Variants in ERC1 observed in about 807,000 individuals in gnomAD.
ERC1 encodes the protein RAB6 interacting protein 2.
Under a neutral mutation model 132.0 loss-of-function variants are expected in ERC1, and 56 were observed. The ratio of observed to expected loss-of-function variants is 0.42; its 90% CI spans 0.34 to 0.53. ERC1 has a LOEUF of 0.53. ERC1 is among the 20% of genes least tolerant of loss of function. The probability of loss-of-function intolerance (pLI) is 0.03; values close to 1 mark genes in which losing one functional copy is unlikely to be tolerated. For missense variants in ERC1, 1,202 were observed against 1,349.9 expected (o/e 0.89, Z 1.72); for synonymous variants, 478 against 476.1 (o/e 1.00, Z -0.05).
intron 8 of ERC1, among the ~76,000 whole-genome samples, chr12:1,154,273 A>G (rs1357435821): frequency 2.0e-3 from 292 of 144,152 alleles, no homozygotes; most frequent in South Asian, 5.3e-3. Context: ...ATATATACAC[A>G]TATACATGTA....
chr12:1,158,944 G>A (rs757431003), intron 8 of ERC1, among the ~76,000 whole-genome samples: 5 of 150,766 alleles, frequency 3.3e-5, no homozygotes, highest in Non-Finnish European at 7.4e-5. Flanking sequence ...AATCACTCAA[G>A]TTAAGTAAAC....
At chr12:1,349,429 C>A in intron 15 of ERC1, among the ~76,000 whole-genome samples, 1 of 152,062 alleles carries the variant, frequency 6.6e-6, no homozygotes. Flanking sequence ...TTTGGGAGGC[C>A]GAGGCGGGCA....
At chr12:1,162,821 G>A (rs1273583054) in intron 8 of ERC1, among the ~76,000 whole-genome samples, 2 of 152,090 alleles carry the variant, frequency 1.3e-5, no homozygotes, top group African/African-American at 4.8e-5. Context: ...GCTAAGTTTA[G>A]AGAAGACTGT....
chr12:1,101,176 G>T (rs1944616416), intron 3 of ERC1, among the ~76,000 whole-genome samples: 1 of 152,022 alleles, frequency 6.6e-6, no homozygotes, highest in Non-Finnish European at 1.5e-5. Context: ...ATGATAAAAG[G>T]GACCAAATAT....
chr12:1,159,486 C>A (rs748605762), intron 8 of ERC1, among the ~76,000 whole-genome samples: 1 of 152,144 alleles, frequency 6.6e-6, no homozygotes, highest in Non-Finnish European at 1.5e-5. Flanking sequence ...GGCCACAGAC[C>A]GGCACTGGTC....
At chr12:1,444,789 A>C in intron 18 of ERC1, 39 bp downstream of exon 18, 1 of 1,596,288 alleles carries the variant, frequency 6.3e-7, no homozygotes, top group Non-Finnish European at 8.6e-7. Flanking sequence ...AGCCTGTGAA[A>C]ATCCAGTTGC....
At chr12:1,195,804 A>G (rs1451383940) in intron 12 of ERC1, among the ~76,000 whole-genome samples, 4 of 142,006 alleles carry the variant, frequency 2.8e-5, no homozygotes, top group Non-Finnish European at 6.4e-5. Flanking sequence ...TGTTTAAGCC[A>G]GTTTGAATGA....
Position 1,401,125 on chromosome 12 carries a change from C to T in ERC1, c.2926-7024C>T, listed in dbSNP as rs370190243. On this transcript the variant is annotated intron_variant, in intron 16 of 18. Coordinates refer to ENST00000360905, the MANE Select transcript of ERC1 (RefSeq NM_178040.4). ...TAATTTTTTGTATTTTTAGTAGAGA[C>T]GGGGTTTCACGTGTTAGCCAGGATG... Among the ~76,000 whole-genome samples the T allele has an allele frequency of 4.5e-4, 68 of 149,600 alleles. 2 individuals are homozygous for T. The highest frequency in any genetic ancestry group is 3.8e-3 in the Admixed American group (58 of 15,154).
intron 16 of ERC1, among the ~76,000 whole-genome samples, chr12:1,383,363 C>T (rs2088922952): frequency 6.6e-6 from 1 of 152,132 alleles, no homozygotes; most frequent in Non-Finnish European, 1.5e-5. Flanking sequence ...GGGTCGTTCC[C>T]TCCTCCGTTA....
At chr12:1,081,127 G>A (rs984581544) in intron 2 of ERC1, among the ~76,000 whole-genome samples, 1 of 152,068 alleles carries the variant, frequency 6.6e-6, no homozygotes, top group Non-Finnish European at 1.5e-5. Context: ...CTTAGGCCTT[G>A]AATACAAGGA....
At chr12:1,100,447 G>A (rs1003373651) in intron 3 of ERC1, among the ~76,000 whole-genome samples, 2 of 152,158 alleles carry the variant, frequency 1.3e-5, no homozygotes, top group Non-Finnish European at 2.9e-5. Context: ...GCTTTAAAAA[G>A]ATCACTCTAG....
At chr12:1,418,536 A>C (rs1167036541) in intron 17 of ERC1, among the ~76,000 whole-genome samples, 1 of 151,664 alleles carries the variant, frequency 6.6e-6, no homozygotes, top group African/African-American at 2.4e-5. Context: ...TTCATCATAC[A>C]CAGATTTCCT....
At chr12:1,147,859 A>G (rs540927849) in intron 8 of ERC1, among the ~76,000 whole-genome samples, 2 of 152,258 alleles carry the variant, frequency 1.3e-5, no homozygotes, top group Admixed American at 6.5e-5. Context: ...TATACCCAAA[A>G]TGTTGGTGAC....
intron 3 of ERC1, among the ~76,000 whole-genome samples, chr12:1,097,758 A>C (rs1346488841): frequency 2.0e-5 from 3 of 148,036 alleles, no homozygotes; most frequent in Non-Finnish European, 4.5e-5. Context: ...TCTGTTGCCC[A>C]AGCTGGAGTG....
At chr12:1,362,613 A>G (rs2086244263) in intron 15 of ERC1, among the ~76,000 whole-genome samples, 1 of 152,226 alleles carries the variant, frequency 6.6e-6, no homozygotes, top group African/African-American at 2.4e-5. Context: ...AGCCAGATAC[A>G]AAAGGCCAAA....
At chr12:1,084,236 T>C (rs1942647256) in intron 3 of ERC1, among the ~76,000 whole-genome samples, 1 of 152,196 alleles carries the variant, frequency 6.6e-6, no homozygotes, top group Admixed American at 6.5e-5. Context: ...CCATCTTATA[T>C]TGAATTAAAA....
At chr12:1,288,958 T>G (rs1377445062) in intron 14 of ERC1, among the ~76,000 whole-genome samples, 28 of 151,776 alleles carry the variant, frequency 1.8e-4, no homozygotes, top group Admixed American at 1.8e-3. Flanking sequence ...TTCCTTATGT[T>G]TTAGCATTTT....
intron 1 of ERC1, among the ~76,000 whole-genome samples, chr12:994,823 G>A (rs763630542): frequency 6.6e-6 from 1 of 152,004 alleles, no homozygotes; most frequent in Non-Finnish European, 1.5e-5. Context: ...TAGGCCGGGT[G>A]CGGTGGCTCA....
chr12:1,364,943 C>T (rs148278854), intron 15 of ERC1, among the ~76,000 whole-genome samples: 1 of 152,308 alleles, frequency 6.6e-6, no homozygotes, highest in East Asian at 1.9e-4. Context: ...ACCAAAATCT[C>T]TCTCTTTTGC....
Sources: gnomAD v4.1 joint callset for allele counts (sites outside exome capture counted in the v4.1 genomes callset) on GRCh38, gnomAD v4.1.1 for gene constraint, MANE v1.5 for transcripts, NCBI Gene and HGNC (gene_info 2026-07-23, HGNC 2026-07-21) for gene names.